The following GRIN2A variants were observed in gnomAD, a reference collection of about 807,000 sequenced individuals.
The protein encoded by GRIN2A is glutamate ionotropic receptor NMDA type subunit 2A, also known as glutamate receptor ionotropic, NMDA 2A.
In GRIN2A, 22 loss-of-function variants were observed where a neutral mutation model predicts 113.4. The observed-to-expected ratio is 0.19, with a 90% CI of 0.14 to 0.28. The LOEUF is 0.28. GRIN2A is among the 10% of genes least tolerant of loss of function. The probability of loss-of-function intolerance (pLI) is 1.00; values close to 1 mark genes in which losing one functional copy is unlikely to be tolerated. For synonymous variants in GRIN2A, 827 were observed against 738.4 expected (o/e 1.12, Z -1.94); for missense variants, 1,502 against 1,887.0 (o/e 0.80, Z 3.78).
chr16:9,967,678 C>T (rs1247609042), intron 2 of GRIN2A, among the ~76,000 whole-genome samples: 2 of 152,020 alleles, frequency 1.3e-5, no homozygotes, highest in African/African-American at 4.8e-5. Flanking sequence ...TGCACTGCAT[C>T]CTGGGCGACA....
intron 4 of GRIN2A, among the ~76,000 whole-genome samples, chr16:9,859,978 T>C (rs1246685702): frequency 6.6e-6 from 1 of 151,414 alleles, no homozygotes; most frequent in African/African-American, 2.4e-5. Context: ...TGGTGAACAG[T>C]CCTCAGAGAG....
chr16:9,877,666 TCC>T (rs2043396319), intron 4 of GRIN2A, among the ~76,000 whole-genome samples: 1 of 98,876 alleles, frequency 1.0e-5, no homozygotes, highest in Non-Finnish European at 1.9e-5. Context: ...CCCCTCTCTC[TCC>T]CCTTCTTCCC....
intron 2 of GRIN2A, among the ~76,000 whole-genome samples, chr16:10,067,727 G>A (rs576244717): frequency 3.0e-4 from 46 of 152,208 alleles, no homozygotes; most frequent in Non-Finnish European, 5.9e-4. Context: ...CTATACTGGG[G>A]ACACATTCCC....
intron 3 of GRIN2A, among the ~76,000 whole-genome samples, chr16:9,912,108 T>C (rs1214033242): frequency 6.6e-6 from 1 of 151,898 alleles, no homozygotes; most frequent in African/African-American, 2.4e-5. Flanking sequence ...ATGGTGGTGA[T>C]GGTGATGATG....
chr16:9,826,645 G>A (rs1034681266), intron 9 of GRIN2A, among the ~76,000 whole-genome samples: 12 of 152,118 alleles, frequency 7.9e-5, no homozygotes, highest in Non-Finnish European at 1.3e-4. Context: ...TCTTCTGGGA[G>A]CATATAGGTT....
intron 2 of GRIN2A, among the ~76,000 whole-genome samples, chr16:9,991,860 T>C (rs2046121101): frequency 6.6e-6 from 1 of 152,038 alleles, no homozygotes; most frequent in Non-Finnish European, 1.5e-5. Flanking sequence ...TGAGAATACA[T>C]GGACACAGTG....
intron 4 of GRIN2A, among the ~76,000 whole-genome samples, chr16:9,883,208 T>A (rs1048605976): frequency 6.6e-6 from 1 of 152,092 alleles, no homozygotes; most frequent in Non-Finnish European, 1.5e-5. Flanking sequence ...GAATGTAAAA[T>A]TGTCATCATA....
chr16:10,111,887 A>G, intron 2 of GRIN2A: 2 of 897,462 alleles, frequency 2.2e-6, no homozygotes, highest in South Asian at 2.7e-5. Flanking sequence ...CTTGCTGAGA[A>G]GGACCACACC....
At chr16:9,770,750 C>T (rs1419753355) in intron 11 of GRIN2A, among the ~76,000 whole-genome samples, 1 of 152,160 alleles carries the variant, frequency 6.6e-6, no homozygotes, top group African/African-American at 2.4e-5. Flanking sequence ...AATATTACTT[C>T]TCCCTATCAT....
rs143932152 is a variant in GRIN2A at position 9,806,515 on chromosome 16, T to C, written c.2169-8051A>G. Among the ~76,000 whole-genome samples the C allele has an allele frequency of 3.3e-4, 50 of 152,072 alleles. 1 individual carries two copies. The East Asian group carries it at 9.3e-3, about 28-fold the overall frequency. ...TTTTTAGCTGATAATAAATCCTGAG[T>C]GATTTTGTAAGACAGAGGCAGAGAG... On this transcript the variant is annotated intron_variant, in intron 10 of 12. Coordinates refer to ENST00000330684, the MANE Select transcript of GRIN2A (RefSeq NM_001134407.3).
intron 11 of GRIN2A, among the ~76,000 whole-genome samples, chr16:9,778,144 G>A (rs1182125287): frequency 6.6e-6 from 1 of 152,194 alleles, no homozygotes. Flanking sequence ...AAATTAAAAA[G>A]AGGATTGGAC....
chr16:9,933,273 C>T (rs1189300707), intron 3 of GRIN2A, among the ~76,000 whole-genome samples: 2 of 151,976 alleles, frequency 1.3e-5, no homozygotes, highest in African/African-American at 4.8e-5. Flanking sequence ...AGGTCATGAA[C>T]ATACCTTCCC....
chr16:10,163,504 T>C (rs1355153564), intron 2 of GRIN2A, among the ~76,000 whole-genome samples: 1 of 152,074 alleles, frequency 6.6e-6, no homozygotes, highest in East Asian at 1.9e-4. Context: ...CTCGCTGATA[T>C]CCTGGCTGGT....
chr16:10,139,035 C>G (rs1349935688), intron 2 of GRIN2A, among the ~76,000 whole-genome samples: 1 of 152,134 alleles, frequency 6.6e-6, no homozygotes, highest in Non-Finnish European at 1.5e-5. Flanking sequence ...CAGGCTTGGC[C>G]CAGTTGCCGA....
At chr16:10,022,832 G>A (rs1201399952) in intron 2 of GRIN2A, among the ~76,000 whole-genome samples, 2 of 152,118 alleles carry the variant, frequency 1.3e-5, no homozygotes, top group Non-Finnish European at 2.9e-5. Flanking sequence ...AGCTCTTTGG[G>A]AGAAAAATGC....
At chr16:9,825,917 C>A (rs1200689537) in intron 9 of GRIN2A, among the ~76,000 whole-genome samples, 1 of 150,770 alleles carries the variant, frequency 6.6e-6, no homozygotes, top group Non-Finnish European at 1.5e-5. Context: ...ACATTTCAGG[C>A]CCCAGAAGCC....
chr16:9,825,406 A>G (rs532695562), intron 9 of GRIN2A, among the ~76,000 whole-genome samples: 1 of 152,026 alleles, frequency 6.6e-6, no homozygotes, highest in Non-Finnish European at 1.5e-5. Context: ...ACAGAGGATT[A>G]TTTTCTAATT....
At chr16:10,159,630 A>T (rs537242640) in intron 2 of GRIN2A, among the ~76,000 whole-genome samples, 1 of 152,262 alleles carries the variant, frequency 6.6e-6, no homozygotes, top group South Asian at 2.1e-4. Context: ...GCCCAATCCC[A>T]TTTTACAGAT....
chr16:10,121,963 T>C (rs2048844806), intron 2 of GRIN2A, among the ~76,000 whole-genome samples: 1 of 152,130 alleles, frequency 6.6e-6, no homozygotes, highest in African/African-American at 2.4e-5. Flanking sequence ...CATGGTCTAA[T>C]TAAAATAAAG....
Sources: allele counts gnomAD v4.1 joint callset (sites outside exome capture counted in the v4.1 genomes callset), GRCh38; gene constraint gnomAD v4.1.1; transcripts MANE v1.5; gene names NCBI Gene and HGNC (gene_info 2026-07-23, HGNC 2026-07-21).